EFCAB5: variants seen among roughly 807,000 people sequenced by gnomAD.
The protein encoded by EFCAB5 is EF-hand calcium binding domain 5, also known as EF-hand calcium-binding domain-containing protein 5.
In EFCAB5, 131 loss-of-function variants were observed where a neutral mutation model predicts 167.9. The ratio of observed to expected loss-of-function variants is 0.78; its 90% CI spans 0.68 to 0.90. The LOEUF is 0.90. EFCAB5 is among the 40% of genes least tolerant of loss of function. The probability of loss-of-function intolerance (pLI) is 0.00; values close to 1 mark genes in which losing one functional copy is unlikely to be tolerated. For synonymous variants in EFCAB5, 574 were observed against 602.8 expected, an observed-to-expected ratio of 0.95 and a Z score of 0.70; for missense variants, 1,663 against 1,745.2, an observed-to-expected ratio of 0.95 and a Z score of 0.84.
chr17:29,934,257 C>T (rs1169524616), intron 1 of EFCAB5, among the ~76,000 whole-genome samples: 3 of 152,132 alleles, frequency 2.0e-5, no homozygotes, highest in African/African-American at 4.8e-5. Flanking sequence ...AACTTTTAAA[C>T]AATTTTCACA....
chr17:29,935,074 C>T (rs780337712), intron 1 of EFCAB5, among the ~76,000 whole-genome samples: 1 of 151,934 alleles, frequency 6.6e-6, no homozygotes, highest in East Asian at 1.9e-4. Flanking sequence ...AATCCAATCC[C>T]TTATATTTGA....
At chr17:30,023,555 A>G (rs1481860967) in intron 7 of EFCAB5, among the ~76,000 whole-genome samples, 1 of 152,074 alleles carries the variant, frequency 6.6e-6, no homozygotes, top group Non-Finnish European at 1.5e-5. Flanking sequence ...TACCAACCAA[A>G]AAGAGTCCAG....
intron 7 of EFCAB5, among the ~76,000 whole-genome samples, chr17:30,025,443 G>T (rs972027205): frequency 6.6e-6 from 1 of 152,110 alleles, no homozygotes; most frequent in African/African-American, 2.4e-5. Flanking sequence ...GGCCATCAGA[G>T]AAATGCAAAT....
intron 7 of EFCAB5, among the ~76,000 whole-genome samples, chr17:30,017,557 G>T (rs960805082): frequency 1.3e-5 from 2 of 152,094 alleles, no homozygotes; most frequent in Non-Finnish European, 2.9e-5. Context: ...AGACACTAAA[G>T]TGAAAATAAG....
In EFCAB5 at chr17:30,030,585, C is replaced by T. The variant is rs559142884; in HGVS notation, c.1045-3645C>T. 1.3e-4 allele frequency among the ~76,000 whole-genome samples: 20 copies of T among 152,222 alleles called. No homozygotes were observed. In the East Asian group the frequency reaches 3.3e-3, roughly 25 times the overall value. On this transcript the variant is annotated intron_variant, in intron 7 of 22. Coordinates refer to ENST00000394835, the MANE Select transcript of EFCAB5 (RefSeq NM_198529.4). ...CTTGAACTCCTGACTTCAGGTGATC[C>T]GCCCACCTCGGCCTCCCAAGTGCTG...
rs746114883 is a variant in EFCAB5 at position 30,083,003 on chromosome 17, C to A, written c.3539C>A (p.Thr1180Asn). ...CTTTATGACGTCACATCCAGCATCA[C>A]CTCCATCACTACGTACTTTGTAGAG... ...GWLYDVTSSI[T>N]SITTYFVEPS... is the part of the protein sequence containing the mutation. Residue 1180 changes from threonine (T) to asparagine (N), a missense_variant, in exon 18 of 23, where the codon ACC (threonine) becomes AAC (asparagine). Coordinates refer to ENST00000394835, the MANE Select transcript of EFCAB5 (RefSeq NM_198529.4). 6.2e-7 allele frequency: 1 copy of A among 1,614,008 alleles called. No homozygotes were observed. The highest frequency in any genetic ancestry group is 8.5e-7 in the Non-Finnish European group (1 of 1,179,902).
chr17:30,013,395 AC>A (rs1448557589), intron 7 of EFCAB5, among the ~76,000 whole-genome samples: 97 of 152,058 alleles, frequency 6.4e-4, no homozygotes, highest in Non-Finnish European at 1.0e-3. Flanking sequence ...TCCTCTTTGT[AC>A]CTCTGGTAGA....
intron 4 of EFCAB5, among the ~76,000 whole-genome samples, chr17:29,982,892 G>GT (rs2068206904): frequency 6.6e-6 from 1 of 152,202 alleles, no homozygotes; most frequent in African/African-American, 2.4e-5. Flanking sequence ...TCACAACTAG[G>GT]TGGGGAAGCA....
intron 7 of EFCAB5, among the ~76,000 whole-genome samples, chr17:30,009,183 T>C (rs1267192001): frequency 8.5e-5 from 13 of 152,210 alleles, no homozygotes; most frequent in Admixed American, 8.5e-4. Context: ...TTTTCCCATA[T>C]AAGGAAGCAT....
Position 29,930,129 on chromosome 17 carries a change from C to T in EFCAB5, c.-127+800C>T, listed in dbSNP as rs1217242766. ...AAGGGAACGGGGAGGAGGAGGAGGC[C>T]GCGGGAACGGCCGCAGACTCCGCAC... On this transcript the variant is annotated intron_variant, in intron 1 of 3. Coordinates refer to the EFCAB5 transcript ENST00000448319. 6 of 859,522 alleles carry T rather than the reference C, an allele frequency of 7.0e-6. No individual in the cohort carries two copies. The African/African-American group carries it at 8.5e-5, about 12-fold the overall frequency. 53.2% of individuals were successfully genotyped at this position (859,522 alleles called of 1,614,324 possible).
intron 4 of EFCAB5, among the ~76,000 whole-genome samples, chr17:29,978,672 G>A (rs566499204): frequency 3.2e-4 from 49 of 152,308 alleles, no homozygotes; most frequent in African/African-American, 1.1e-3. Flanking sequence ...CTAGGGCTGG[G>A]TATCTGGTAA....
At chr17:30,091,798 C>G in intron 20 of EFCAB5, 73 bp from the exon 21 acceptor site, 1 of 1,501,822 alleles carries the variant, frequency 6.7e-7, no homozygotes, top group South Asian at 1.3e-5. Flanking sequence ...TGTTCAGAAT[C>G]CTATGAAAAA....
intron 19 of EFCAB5, among the ~76,000 whole-genome samples, 165 bp downstream of exon 19, chr17:30,087,331 C>A (rs1035100598): frequency 1.3e-5 from 2 of 152,172 alleles, no homozygotes; most frequent in African/African-American, 4.8e-5. Context: ...ATGTGCAGGA[C>A]GTGCAGGTTT....
intron 7 of EFCAB5, among the ~76,000 whole-genome samples, chr17:30,028,813 T>G (rs550848443): frequency 6.6e-6 from 1 of 152,340 alleles, no homozygotes; most frequent in South Asian, 2.1e-4. Flanking sequence ...GATGGCTGAT[T>G]TTTGCCCTTG....
intron 14 of EFCAB5, among the ~76,000 whole-genome samples, chr17:30,070,837 C>G (rs979820397): frequency 6.0e-5 from 9 of 149,898 alleles, no homozygotes; most frequent in African/African-American, 2.2e-4. Context: ...GTAGTCCTAG[C>G]TACTCGGGAG....
In EFCAB5 at chr17:29,993,193, C is replaced by G; in HGVS notation, c.796C>G (p.Gln266Glu). 6.2e-7 allele frequency: 1 copy of G among 1,611,920 alleles called. No individual in the cohort carries two copies. Among genetic ancestry groups the G allele is most frequent in the Non-Finnish European group, 8.5e-7 (1 of 1,178,960 alleles). The part of the protein sequence containing the change: ...RVSKMKENVK[Q>E]NRKQRESIDK... Reference sequence around the variant, plus strand: ...ATCCAAGATGAAGGAGAATGTTAAACAGAATAGAAAACAAAGAGAAAGCAT... The same window carrying G: ...ATCCAAGATGAAGGAGAATGTTAAAGAGAATAGAAAACAAAGAGAAAGCAT... The change falls in exon 5 of 23, where the codon CAG (glutamine) becomes GAG (glutamate). Residue 266 changes from glutamine (Q) to glutamate (E), a missense_variant. Transcript: ENST00000394835.
chr17:30,083,851 T>C (rs922634066), intron 18 of EFCAB5, among the ~76,000 whole-genome samples: 2 of 151,954 alleles, frequency 1.3e-5, no homozygotes. Context: ...ATGGGTGGAG[T>C]GGGAAGGGAC....
chr17:30,044,511 G>C (rs1278798399), intron 8 of EFCAB5, among the ~76,000 whole-genome samples: 1 of 151,990 alleles, frequency 6.6e-6, no homozygotes. Flanking sequence ...GGGAGGTGGA[G>C]TTTGCAATGA....
intron 7 of EFCAB5, among the ~76,000 whole-genome samples, chr17:30,029,097 A>G (rs1375779524): frequency 6.6e-6 from 1 of 152,180 alleles, no homozygotes; most frequent in Non-Finnish European, 1.5e-5. Flanking sequence ...TTATTACTAG[A>G]TAATAAATGT....
Sources: gnomAD v4.1 joint callset for allele counts (sites outside exome capture counted in the v4.1 genomes callset) on GRCh38, gnomAD v4.1.1 for gene constraint, MANE v1.5 for transcripts, NCBI Gene and HGNC (gene_info 2026-07-23, HGNC 2026-07-21) for gene names.